Variants in ATP8A2 observed in about 807,000 individuals in gnomAD.
The protein encoded by ATP8A2 is ATPase phospholipid transporting 8A2.
A neutral mutation model predicts 165.6 loss-of-function variants in ATP8A2; 100 were observed. That is an observed-to-expected ratio of 0.60 (90% confidence interval 0.51 to 0.71). The LOEUF is 0.71. Among genes scored for constraint, ATP8A2 ranks in the 30% least tolerant of loss-of-function variants. The pLI is 0.00. For synonymous variants in ATP8A2, 543 were observed against 548.8 expected (o/e 0.99, Z 0.15); for missense variants, 1,227 against 1,479.5 (o/e 0.83, Z 2.80).
At chr13:25,506,959 A>ATATATATATATATATATATATC (rs965878307) in intron 2 of ATP8A2, among the ~76,000 whole-genome samples, 3 of 145,942 alleles carry the variant, frequency 2.1e-5, no homozygotes, top group African/African-American at 7.5e-5. Flanking sequence ...ATATATATAT[A>ATATATATATATATATATATATC]TATCTTATTT....
intron 33 of ATP8A2, among the ~76,000 whole-genome samples, chr13:25,942,178 G>T (rs1369746719): frequency 6.6e-6 from 1 of 151,976 alleles, no homozygotes; most frequent in Non-Finnish European, 1.5e-5. Flanking sequence ...ATATAAATTT[G>T]CCAAATTTTT....
In ATP8A2 at chr13:25,589,621, T is replaced by C. The variant is rs2040015249; in HGVS notation, c.2147-14T>C. On this transcript the variant is annotated splice_polypyrimidine_tract_variant and intron_variant, in intron 23 of 36. Transcript: ENST00000381655. ...GAAAGAGAAATTCACATGTTGTCTC[T>C]TCCTCCACTTCAGGGTATTCCTGCC... is the stretch of plus-strand genomic sequence containing the variant. 2.5e-6 allele frequency: 4 copies of C among 1,599,840 alleles called. No homozygotes were observed. The highest frequency in any genetic ancestry group is 3.4e-6 in the Non-Finnish European group (4 of 1,168,238).
chr13:25,999,356 A>G (rs1956588221), intron 35 of ATP8A2, among the ~76,000 whole-genome samples: 1 of 151,986 alleles, frequency 6.6e-6, no homozygotes, highest in South Asian at 2.1e-4. Flanking sequence ...CTCAGCTTTG[A>G]CCTCTCTCTG....
At chr13:25,593,850 C>A (rs1236590270) in intron 24 of ATP8A2, among the ~76,000 whole-genome samples, 1 of 152,162 alleles carries the variant, frequency 6.6e-6, no homozygotes, top group Non-Finnish European at 1.5e-5. Context: ...CAGATGCTGA[C>A]TTAATAGAAT....
At chr13:25,511,952 A>G (rs890194096) in intron 2 of ATP8A2, among the ~76,000 whole-genome samples, 3 of 150,610 alleles carry the variant, frequency 2.0e-5, no homozygotes, top group East Asian at 3.9e-4. Context: ...TGGCAGGGTC[A>G]TAGGACAATA....
At chr13:25,868,942 G>A (rs1379814359) in intron 33 of ATP8A2, among the ~76,000 whole-genome samples, 6 of 151,956 alleles carry the variant, frequency 3.9e-5, no homozygotes, top group African/African-American at 9.7e-5. Context: ...GGTGGCGGGC[G>A]CCTGTAGTCC....
intron 33 of ATP8A2, chr13:25,881,059 G>A (rs899928082): frequency 6.5e-6 from 2 of 309,678 alleles, no homozygotes; most frequent in Admixed American, 4.1e-5. Context: ...ACATGTATTC[G>A]TATCCAGGAA....
At chr13:25,420,984 C>T (rs1018519804) in intron 1 of ATP8A2, among the ~76,000 whole-genome samples, 7 of 152,214 alleles carry the variant, frequency 4.6e-5, no homozygotes, top group Non-Finnish European at 1.0e-4. Context: ...TTTATTTCAA[C>T]CATGCCTTCC....
chr13:25,387,529 A>C (rs1411048601), intron 1 of ATP8A2, among the ~76,000 whole-genome samples: 1 of 152,102 alleles, frequency 6.6e-6, no homozygotes, highest in Non-Finnish European at 1.5e-5. Flanking sequence ...TCACTGCCTT[A>C]GTGACCTCAC....
intron 1 of ATP8A2, among the ~76,000 whole-genome samples, chr13:25,376,436 G>T (rs1487492608): frequency 6.6e-6 from 1 of 152,220 alleles, no homozygotes; most frequent in Non-Finnish European, 1.5e-5. Context: ...CTTAAGGGCA[G>T]TATATCTAGG....
At chr13:25,903,579 T>G (rs1488686490) in intron 33 of ATP8A2, among the ~76,000 whole-genome samples, 6 of 152,226 alleles carry the variant, frequency 3.9e-5, no homozygotes, top group African/African-American at 1.4e-4. Flanking sequence ...TCCAGACCAC[T>G]GTTGATTATC....
chr13:25,732,330 G>A (rs2043669612), intron 25 of ATP8A2, among the ~76,000 whole-genome samples: 2 of 152,186 alleles, frequency 1.3e-5, no homozygotes, highest in Non-Finnish European at 2.9e-5. Context: ...TAGCAATGAG[G>A]TCACTGACCA....
intron 1 of ATP8A2, among the ~76,000 whole-genome samples, chr13:25,405,875 C>G (rs2033785872): frequency 3.3e-5 from 5 of 152,244 alleles, no homozygotes; most frequent in Non-Finnish European, 7.3e-5. Context: ...GGCACACAGC[C>G]TTCTCTGCTT....
chr13:25,723,741 C>T (rs890132197), intron 25 of ATP8A2, among the ~76,000 whole-genome samples: 5 of 152,002 alleles, frequency 3.3e-5, no homozygotes, highest in African/African-American at 4.8e-5. Flanking sequence ...GCCAGGATTT[C>T]TCACCCTCTG....
chr13:25,613,572 C>CA (rs1212609453), intron 24 of ATP8A2, among the ~76,000 whole-genome samples: 2 of 151,848 alleles, frequency 1.3e-5, no homozygotes, highest in Admixed American at 6.6e-5. Flanking sequence ...GACTCCATCT[C>CA]AAAAAAACAA....
intron 35 of ATP8A2, among the ~76,000 whole-genome samples, chr13:25,975,823 G>A (rs1021283611): frequency 1.3e-5 from 2 of 152,068 alleles, no homozygotes; most frequent in African/African-American, 2.4e-5. Context: ...AATATTCCAC[G>A]AGACTTTATA....
intron 33 of ATP8A2, among the ~76,000 whole-genome samples, chr13:25,928,644 A>G (rs890746528): frequency 1.3e-5 from 2 of 152,154 alleles, no homozygotes; most frequent in Non-Finnish European, 2.9e-5. Flanking sequence ...TGCCGTGGTA[A>G]CTCCGTGGAT....
intron 1 of ATP8A2, among the ~76,000 whole-genome samples, chr13:25,384,615 T>G (rs1206899083): frequency 1.3e-5 from 2 of 152,214 alleles, no homozygotes; most frequent in Non-Finnish European, 2.9e-5. Flanking sequence ...ATAGTATCTA[T>G]CAAGTTTTTA....
chr13:25,817,228 A>G (rs574538220), intron 27 of ATP8A2, among the ~76,000 whole-genome samples: 1 of 152,136 alleles, frequency 6.6e-6, no homozygotes, highest in Admixed American at 6.5e-5. Context: ...CTTGAACTAT[A>G]AAAAAAATTT....
Sources: allele counts gnomAD v4.1 joint callset (sites outside exome capture counted in the v4.1 genomes callset), GRCh38; gene constraint gnomAD v4.1.1; transcripts MANE v1.5; gene names NCBI Gene and HGNC (gene_info 2026-07-23, HGNC 2026-07-21).